The following LPP variants were observed in gnomAD, a reference collection of about 807,000 sequenced individuals.
The protein encoded by LPP is LIM domain containing preferred translocation partner in lipoma, also known as lipoma-preferred partner.
A neutral mutation model predicts 60.4 loss-of-function variants in LPP; 38 were observed. The observed-to-expected ratio is 0.63, with a 90% CI of 0.49 to 0.83. LPP has a LOEUF of 0.83. Ranked by LOEUF, LPP falls within the 40% of genes least tolerant of loss-of-function variation. LPP has a pLI of 0.00. For synonymous variants in LPP, 328 were observed against 290.8 expected (o/e 1.13, Z -1.30); for missense variants, 902 against 783.6 (o/e 1.15, Z -1.80).
intron 1 of LPP, among the ~76,000 whole-genome samples, chr3:188,207,415 A>G (rs1044314392): frequency 2.6e-5 from 4 of 151,522 alleles, no homozygotes; most frequent in Non-Finnish European, 5.9e-5. Context: ...TATTTTTAGT[A>G]GAGATGGGGT....
chr3:188,757,735 T>C (rs1730730249), intron 8 of LPP, among the ~76,000 whole-genome samples: 1 of 152,192 alleles, frequency 6.6e-6, no homozygotes, highest in African/African-American at 2.4e-5. Flanking sequence ...GAATCTAATA[T>C]GCTTTTAATA....
chr3:188,192,867 G>A (rs549972918), intron 1 of LPP, among the ~76,000 whole-genome samples: 5 of 152,316 alleles, frequency 3.3e-5, no homozygotes, highest in South Asian at 2.1e-4. Flanking sequence ...TGCTCCAGGC[G>A]TCGGCAGTGC....
intron 9 of LPP, among the ~76,000 whole-genome samples, chr3:188,858,593 C>T (rs1193586786): frequency 1.3e-5 from 2 of 152,128 alleles, no homozygotes; most frequent in Non-Finnish European, 2.9e-5. Context: ...ATTTTTAGCT[C>T]ATGGCAAAAT....
At chr3:188,687,571 T>G (rs1459024085) in intron 7 of LPP, among the ~76,000 whole-genome samples, 1 of 152,146 alleles carries the variant, frequency 6.6e-6, no homozygotes, top group Non-Finnish European at 1.5e-5. Context: ...GCCATGATTT[T>G]AAGTTTCCTG....
chr3:188,635,446 A>G (rs1848549271), intron 7 of LPP, among the ~76,000 whole-genome samples: 1 of 152,188 alleles, frequency 6.6e-6, no homozygotes, highest in Admixed American at 6.5e-5. Context: ...CTGTCCACAA[A>G]TATTGTGAGA....
rs562768793 is a variant in LPP at position 188,373,580 on chromosome 3, T to C, written c.-10+31861T>C. Among the ~76,000 whole-genome samples the C allele has an allele frequency of 5.0e-4, 76 of 152,224 alleles. 1 individual carries two copies. Among genetic ancestry groups the C allele is most frequent in the African/African-American group, 1.7e-3 (71 of 41,542 alleles). The stretch of plus-strand genomic sequence containing the variant: ...TTTGTTTTTTTCTTGTAAATTTGTT[T>C]GAGTTCATTGTAGATTCTGGATATT... On this transcript the variant is annotated intron_variant, in intron 3 of 11. Transcript: ENST00000617246.
chr3:188,361,540 T>TCCTCC (rs1300850914), intron 3 of LPP, among the ~76,000 whole-genome samples: 5 of 97,942 alleles, frequency 5.1e-5, no homozygotes, highest in African/African-American at 1.2e-4. Flanking sequence ...TCCTCTCCTC[T>TCCTCC]CCTCCCCTCT....
intron 1 of LPP, among the ~76,000 whole-genome samples, chr3:188,166,578 C>A (rs1720015051): frequency 6.6e-6 from 1 of 152,154 alleles, no homozygotes. Flanking sequence ...TTATTATTGT[C>A]CAAGTTTAAT....
chr3:188,230,450 A>C (rs1719482388), intron 2 of LPP, among the ~76,000 whole-genome samples: 1 of 152,142 alleles, frequency 6.6e-6, no homozygotes, highest in Non-Finnish European at 1.5e-5. Context: ...GATAAATTAT[A>C]GTCTCAGATC....
At chr3:188,278,494 G>A (rs1295047124) in intron 2 of LPP, among the ~76,000 whole-genome samples, 3 of 152,116 alleles carry the variant, frequency 2.0e-5, no homozygotes, top group Admixed American at 2.0e-4. Context: ...ATTCTGAATC[G>A]ACTCTCAAGG....
intron 9 of LPP, among the ~76,000 whole-genome samples, chr3:188,813,200 T>C (rs559375219): frequency 1.3e-5 from 2 of 152,346 alleles, no homozygotes; most frequent in Admixed American, 1.3e-4. Flanking sequence ...ATGTATATTT[T>C]TATATATGAA....
intron 8 of LPP, among the ~76,000 whole-genome samples, chr3:188,718,736 T>C (rs970639346): frequency 6.6e-6 from 1 of 152,230 alleles, no homozygotes; most frequent in African/African-American, 2.4e-5. Flanking sequence ...AAATGAAAAC[T>C]GTGAGCAGAC....
At position 188,795,924 on chromosome 3, in the gene LPP, ACTC is replaced by A. The variant is rs376047041; in HGVS notation, c.1410+35648_1410+35650del. 4.8e-3 allele frequency among the ~76,000 whole-genome samples: 734 copies of A among 152,148 alleles called. 12 individuals are homozygous for A. Among genetic ancestry groups the A allele is most frequent in the African/African-American group, 0.016 (650 of 41,500 alleles). On this transcript the variant is annotated intron_variant, in intron 9 of 11. Transcript: ENST00000617246. Reference sequence around the variant, plus strand: ...CACCAACTAGATAATTTAATCTCTTACTCCTCCTTGTTGACAGTTGGTGGGGTG... The same window carrying A: ...CACCAACTAGATAATTTAATCTCTTACTCCTTGTTGACAGTTGGTGGGGTG...
chr3:188,185,652 T>C (rs1726379381), intron 1 of LPP, among the ~76,000 whole-genome samples: 2 of 152,222 alleles, frequency 1.3e-5, no homozygotes, highest in Admixed American at 1.3e-4. Flanking sequence ...AGAAAGCTAC[T>C]TTTTCTTCAC....
At chr3:188,440,551 A>G (rs1034545849) in intron 4 of LPP, among the ~76,000 whole-genome samples, 2 of 152,160 alleles carry the variant, frequency 1.3e-5, no homozygotes, top group African/African-American at 4.8e-5. Context: ...TGCTTCGGTT[A>G]TTTACATCTG....
chr3:188,457,577 C>T (rs1453362141), intron 4 of LPP, among the ~76,000 whole-genome samples: 1 of 151,258 alleles, frequency 6.6e-6, no homozygotes, highest in African/African-American at 2.5e-5. Context: ...TCTCCCAACA[C>T]TTCCACTCGT....
chr3:188,390,240 C>A (rs1779377013), intron 3 of LPP, among the ~76,000 whole-genome samples: 1 of 152,112 alleles, frequency 6.6e-6, no homozygotes, highest in Non-Finnish European at 1.5e-5. Context: ...GCTGGTTTCT[C>A]TTCTCTTTTG....
At position 188,414,681 on chromosome 3, in the gene LPP, T is replaced by G. The variant is rs149899589; in HGVS notation, c.193+8368T>G. On this transcript the variant is annotated intron_variant, in intron 4 of 11. Coordinates refer to ENST00000617246, the MANE Select transcript of LPP (RefSeq NM_001375462.1). The stretch of plus-strand genomic sequence containing the variant: ...CTAGATGAGAATAGTTGAGAATGTA[T>G]TCACTAATACATTTCAGCGAAGTAC... 1.4e-3 allele frequency among the ~76,000 whole-genome samples: 215 copies of G among 152,278 alleles called. 1 individual carries two copies. The highest frequency in any genetic ancestry group is 2.4e-3 in the Non-Finnish European group (166 of 68,020).
At chr3:188,670,354 G>T (rs1316914724) in intron 7 of LPP, among the ~76,000 whole-genome samples, 1 of 152,088 alleles carries the variant, frequency 6.6e-6, no homozygotes, top group Admixed American at 6.5e-5. Flanking sequence ...CTTGTTTACA[G>T]ATGGGAGAAA....
Sources: gnomAD v4.1 joint callset for allele counts (sites outside exome capture counted in the v4.1 genomes callset) on GRCh38, gnomAD v4.1.1 for gene constraint, MANE v1.5 for transcripts, NCBI Gene and HGNC (gene_info 2026-07-23, HGNC 2026-07-21) for gene names.